The following RNF180 variants were observed in gnomAD, a reference collection of about 807,000 sequenced individuals.
RNF180 encodes E3 ubiquitin-protein ligase RNF180.
RNF180 carries 38 observed loss-of-function variants against 59.2 expected under a neutral mutation model. The ratio of observed to expected loss-of-function variants is 0.64; its 90% CI spans 0.50 to 0.84. The LOEUF (loss-of-function observed/expected upper bound fraction) is 0.84, where lower values mean the gene tolerates loss of function less well. Among genes scored for constraint, RNF180 ranks in the 40% least tolerant of loss-of-function variants. RNF180 has a pLI of 0.00. For missense variants in RNF180, 705 were observed against 700.9 expected (o/e 1.01, Z -0.07); for synonymous variants, 262 against 240.3 (o/e 1.09, Z -0.84).
intron 5 of RNF180, among the ~76,000 whole-genome samples, chr5:64,282,922 A>G (rs145549639): frequency 1.0e-3 from 158 of 152,254 alleles, no homozygotes; most frequent in African/African-American, 3.7e-3. Context: ...GTGGTTGATC[A>G]TGTGGTTATT....
At chr5:64,332,106 T>A (rs1744937015) in intron 7 of RNF180, among the ~76,000 whole-genome samples, 1 of 152,042 alleles carries the variant, frequency 6.6e-6, no homozygotes, top group Non-Finnish European at 1.5e-5. Flanking sequence ...ACTTGGCAGA[T>A]GTGGGATCTG....
chr5:64,166,859 G>T (rs1008113169), intron 1 of RNF180, among the ~76,000 whole-genome samples: 2 of 152,172 alleles, frequency 1.3e-5, no homozygotes, highest in East Asian at 3.9e-4. Context: ...TGGTCTCTTA[G>T]TCTCAAACAA....
At chr5:64,321,143 A>G (rs972738730) in intron 5 of RNF180, among the ~76,000 whole-genome samples, 7 of 152,196 alleles carry the variant, frequency 4.6e-5, no homozygotes, top group African/African-American at 1.7e-4. Flanking sequence ...CTCCTATTCA[A>G]CATAGTATTG....
intron 5 of RNF180, among the ~76,000 whole-genome samples, chr5:64,223,989 C>G (rs1741509232): frequency 6.6e-6 from 1 of 151,136 alleles, no homozygotes; most frequent in Non-Finnish European, 1.5e-5. Context: ...GATGCAACTG[C>G]GAATTCTAAA....
At chr5:64,257,131 A>G (rs903154510) in intron 5 of RNF180, among the ~76,000 whole-genome samples, 1 of 152,172 alleles carries the variant, frequency 6.6e-6, no homozygotes, top group Non-Finnish European at 1.5e-5. Flanking sequence ...TTAGATATAC[A>G]ATCATGTCAT....
intron 7 of RNF180, among the ~76,000 whole-genome samples, chr5:64,352,366 T>C (rs1272253588): frequency 6.6e-6 from 1 of 152,118 alleles, no homozygotes; most frequent in Admixed American, 6.6e-5. Context: ...CCTGGATTCA[T>C]TGATTTTTTG....
At chr5:64,304,820 A>G (rs769620043) in intron 5 of RNF180, among the ~76,000 whole-genome samples, 6 of 151,654 alleles carry the variant, frequency 4.0e-5, no homozygotes, top group Non-Finnish European at 8.9e-5. Context: ...TACTGTGGAT[A>G]ATATGCTATA....
At chr5:64,215,339 T>G (rs930414919) in intron 4 of RNF180, among the ~76,000 whole-genome samples, 1 of 152,120 alleles carries the variant, frequency 6.6e-6, no homozygotes, top group African/African-American at 2.4e-5. Context: ...AGAACTAAAA[T>G]ACAGAAAGCT....
intron 5 of RNF180, among the ~76,000 whole-genome samples, chr5:64,244,510 T>A (rs1561213703): frequency 6.6e-6 from 1 of 151,852 alleles, no homozygotes; most frequent in East Asian, 1.9e-4. Context: ...GTCAACTTAA[T>A]GAAATAAGGT....
rs568912222 is a variant in RNF180, at chr5:64,300,423, T to C, written c.1228-24763T>C. 2.1e-4 allele frequency among the ~76,000 whole-genome samples: 32 copies of C among 151,910 alleles called. 1 individual carries two copies. In the South Asian group the frequency reaches 6.4e-3, roughly 31 times the overall value. On this transcript the variant is annotated intron_variant, in intron 5 of 7. Coordinates refer to ENST00000389100, the MANE Select transcript of RNF180 (RefSeq NM_001113561.2). ...TGCTGTAAGTCGAGGATCATCTGGA[T>C]TTATGATGGTTCGAATTACAATTTT...
chr5:64,210,006 G>GA (rs1262834800), intron 2 of RNF180, among the ~76,000 whole-genome samples: 1 of 152,082 alleles, frequency 6.6e-6, no homozygotes, highest in Non-Finnish European at 1.5e-5. Context: ...GAGTTGGAGA[G>GA]AAAAGCTAGT....
chr5:64,294,451 G>A (rs1014897453), intron 5 of RNF180, among the ~76,000 whole-genome samples: 1 of 152,126 alleles, frequency 6.6e-6, no homozygotes, highest in African/African-American at 2.4e-5. Flanking sequence ...CACATGCTAA[G>A]AGCATTTTAA....
chr5:64,208,444 A>G (rs555375618), intron 2 of RNF180, among the ~76,000 whole-genome samples: 2 of 152,012 alleles, frequency 1.3e-5, no homozygotes, highest in Admixed American at 1.3e-4. Context: ...GGTTGCCTCC[A>G]GTTTCATCAC....
chr5:64,344,897 A>G (rs528552807), intron 7 of RNF180, among the ~76,000 whole-genome samples: 40 of 151,976 alleles, frequency 2.6e-4, no homozygotes, highest in Middle Eastern at 3.4e-3. Context: ...CTGTGTCTTT[A>G]TTTATATGGA....
At chr5:64,256,745 A>G (rs898633246) in intron 5 of RNF180, among the ~76,000 whole-genome samples, 2 of 152,182 alleles carry the variant, frequency 1.3e-5, no homozygotes, top group Admixed American at 1.3e-4. Context: ...GAAGAAAGCC[A>G]TTGGTAGCTT....
chr5:64,201,302 A>G (rs1346552582), intron 2 of RNF180, among the ~76,000 whole-genome samples: 1 of 152,188 alleles, frequency 6.6e-6, no homozygotes, highest in Non-Finnish European at 1.5e-5. Flanking sequence ...TCCTAGTAAG[A>G]ATTGGAAACT....
At chr5:64,256,238 C>A (rs546784364) in intron 5 of RNF180, among the ~76,000 whole-genome samples, 2 of 152,114 alleles carry the variant, frequency 1.3e-5, no homozygotes, top group Admixed American at 1.3e-4. Flanking sequence ...GCTTTTGTTG[C>A]CATTGCTTTT....
At chr5:64,253,211 T>G (rs1168910471) in intron 5 of RNF180, among the ~76,000 whole-genome samples, 1 of 152,298 alleles carries the variant, frequency 6.6e-6, no homozygotes, top group Admixed American at 6.5e-5. Context: ...CTTGCTAGAC[T>G]TAAACATTTA....
intron 5 of RNF180, among the ~76,000 whole-genome samples, chr5:64,286,037 A>C (rs1742267331): frequency 6.6e-6 from 1 of 152,080 alleles, no homozygotes; most frequent in Admixed American, 6.5e-5. Flanking sequence ...GAACTGCTTG[A>C]AATCAGGAAC....
Sources: allele counts gnomAD v4.1 joint callset (sites outside exome capture counted in the v4.1 genomes callset), GRCh38; gene constraint gnomAD v4.1.1; transcripts MANE v1.5; gene names NCBI Gene and HGNC (gene_info 2026-07-23, HGNC 2026-07-21).